The following GPR158 variants were observed in gnomAD, a reference collection of about 807,000 sequenced individuals.
GPR158 encodes the protein G protein-coupled receptor 158.
A neutral mutation model predicts 78.2 loss-of-function variants in GPR158; 30 were observed. The observed-to-expected ratio is 0.38, with a 90% CI of 0.29 to 0.52. GPR158 has a LOEUF of 0.52. Among genes scored for constraint, GPR158 ranks in the 20% least tolerant of loss-of-function variants. GPR158 has a pLI of 0.83. For missense variants in GPR158, 1,463 were observed against 1,523.5 expected (o/e 0.96, Z 0.66); for synonymous variants, 581 against 591.1 (o/e 0.98, Z 0.25).
intron 4 of GPR158, among the ~76,000 whole-genome samples, chr10:25,455,778 A>G (rs1217600912): frequency 1.3e-5 from 2 of 152,238 alleles, no homozygotes; most frequent in East Asian, 1.9e-4. Flanking sequence ...ATAAAGACCA[A>G]TGAAACAGCA....
At chr10:25,253,656 T>G (rs575854196) in intron 2 of GPR158, among the ~76,000 whole-genome samples, 104 of 152,314 alleles carry the variant, frequency 6.8e-4, no homozygotes, top group Non-Finnish European at 1.3e-3. Flanking sequence ...TGAATGATGC[T>G]CTATAAACAT....
chr10:25,439,911 C>T (rs1044129807), intron 4 of GPR158, among the ~76,000 whole-genome samples: 1 of 152,196 alleles, frequency 6.6e-6, no homozygotes, highest in African/African-American at 2.4e-5. Flanking sequence ...TACAGGAAGG[C>T]AACCACAGCG....
chr10:25,281,676 A>C (rs1167962641), intron 2 of GPR158, among the ~76,000 whole-genome samples: 1 of 152,134 alleles, frequency 6.6e-6, no homozygotes, highest in African/African-American at 2.4e-5. Context: ...GGAGGAAAAA[A>C]AGGCTGAAAA....
At chr10:25,530,938 G>A (rs16926047) in intron 5 of GPR158, among the ~76,000 whole-genome samples, 1 of 125,820 alleles carries the variant, frequency 7.9e-6, no homozygotes, top group Non-Finnish European at 1.7e-5. Context: ...CTTCTACTTT[G>A]CATCAAAACT....
At chr10:25,269,696 A>G (rs1163956640) in intron 2 of GPR158, among the ~76,000 whole-genome samples, 2 of 152,216 alleles carry the variant, frequency 1.3e-5, no homozygotes, top group East Asian at 3.8e-4. Flanking sequence ...CTCTCACTGC[A>G]ACCATGTAAT....
intron 2 of GPR158, among the ~76,000 whole-genome samples, chr10:25,335,710 G>A (rs1855188954): frequency 6.6e-6 from 1 of 151,904 alleles, no homozygotes; most frequent in African/African-American, 2.4e-5. Flanking sequence ...ATAGTTTATG[G>A]CAAATAAAGT....
chr10:25,246,754 C>T (rs1853695521), intron 2 of GPR158, among the ~76,000 whole-genome samples: 1 of 152,114 alleles, frequency 6.6e-6, no homozygotes, highest in South Asian at 2.1e-4. Flanking sequence ...CAAGATTATT[C>T]TTGTAAGTTA....
At chr10:25,210,383 C>G (rs1261912872) in intron 1 of GPR158, among the ~76,000 whole-genome samples, 1 of 152,068 alleles carries the variant, frequency 6.6e-6, no homozygotes, top group Non-Finnish European at 1.5e-5. Flanking sequence ...AATGAGAAAT[C>G]CAAAAGCAGG....
At chr10:25,491,387 A>G (rs980978715) in intron 5 of GPR158, among the ~76,000 whole-genome samples, 6 of 152,186 alleles carry the variant, frequency 3.9e-5, no homozygotes, top group Admixed American at 6.5e-5. Context: ...CATATTTTCT[A>G]CATGAATGGC....
At chr10:25,267,695 TG>T (rs1333368989) in intron 2 of GPR158, among the ~76,000 whole-genome samples, 1 of 152,190 alleles carries the variant, frequency 6.6e-6, no homozygotes, top group East Asian at 1.9e-4. Context: ...AGATTCTTTG[TG>T]GCAAAACCTA....
Position 25,598,600 on chromosome 10 carries a change from C to T in GPR158, c.2974C>T (p.Pro992Ser), listed in dbSNP as rs368812986. The change falls in exon 11 of 11, where the codon CCA (proline) becomes TCA (serine). Residue 992 changes from proline (P) to serine (S), a missense_variant. Transcript: ENST00000376351. ...CACCACTGCCAATTCTGACCTGAAC[C>T]CAGGCACCACCCAGATGAAGGACAA... ...NPTTANSDLN[P>S]GTTQMKDNFD... The T allele has an allele frequency of 1.2e-6, 2 of 1,613,858 alleles. No individual in the cohort carries two copies. Among genetic ancestry groups the T allele is most frequent in the African/African-American group, 1.3e-5 (1 of 74,850 alleles).
At chr10:25,251,366 C>T (rs1218890450) in intron 2 of GPR158, among the ~76,000 whole-genome samples, 5 of 150,428 alleles carry the variant, frequency 3.3e-5, no homozygotes, top group African/African-American at 1.2e-4. Flanking sequence ...ATGATGTTAG[C>T]TGGTGATTTT....
At chr10:25,247,789 T>C (rs2130716144) in intron 2 of GPR158, among the ~76,000 whole-genome samples, 1 of 150,986 alleles carries the variant, frequency 6.6e-6, no homozygotes, top group East Asian at 2.0e-4. Flanking sequence ...TGTGCATGTG[T>C]CTTTATAGCA....
chr10:25,434,429 G>A (rs186139052), intron 4 of GPR158, among the ~76,000 whole-genome samples: 1 of 152,216 alleles, frequency 6.6e-6, no homozygotes, highest in East Asian at 1.9e-4. Context: ...ATACCAAATT[G>A]CTTGCTATTT....
chr10:25,176,965 G>A lies in GPR158; in HGVS notation c.902+643G>A, dbSNP rs867793768. Among the ~76,000 whole-genome samples the A allele has an allele frequency of 6.6e-6, 1 of 152,014 alleles. No homozygotes were observed. The highest frequency in any genetic ancestry group is 2.1e-4 in the South Asian group (1 of 4,810). ...GCTTGGTCAGGGTGCTCCTTCTACC[G>A]GTCTCCCCTCTCCCCGCAATTGATC... On this transcript the variant is annotated intron_variant, in intron 1 of 10. Transcript: ENST00000376351. The surrounding 1 kb of genome is among the most constrained non-coding windows in gnomAD (Gnocchi z 6.3).
intron 4 of GPR158, among the ~76,000 whole-genome samples, chr10:25,433,575 GCGCGCGTGC>G: frequency 6.9e-6 from 1 of 145,816 alleles, no homozygotes; most frequent in Non-Finnish European, 1.5e-5. Flanking sequence ...GTGTGTGCGC[GCGCGCGTGC>G]GCGTGCGCAT....
At chr10:25,216,809 C>T (rs1482863538) in intron 1 of GPR158, among the ~76,000 whole-genome samples, 4 of 151,970 alleles carry the variant, frequency 2.6e-5, no homozygotes, top group Admixed American at 6.6e-5. Flanking sequence ...GGTATAAAGA[C>T]GTCTGTGAAA....
intron 5 of GPR158, among the ~76,000 whole-genome samples, chr10:25,531,306 G>GAGAAACATCAAGTAGGTAACA (rs1471192741): frequency 6.6e-6 from 1 of 152,144 alleles, no homozygotes. Context: ...GTCAGGAAAA[G>GAGAAACATCAAGTAGGTAACA]AGAAACATCA....
intron 7 of GPR158, among the ~76,000 whole-genome samples, chr10:25,579,761 A>AAGTT (rs1015365798): frequency 2.2e-4 from 34 of 152,216 alleles, no homozygotes; most frequent in African/African-American, 8.0e-4. Context: ...TTTCTTCCAG[A>AAGTT]AGTTAGGTGA....
Sources: allele counts gnomAD v4.1 joint callset (sites outside exome capture counted in the v4.1 genomes callset), GRCh38; gene constraint gnomAD v4.1.1; non-coding constraint Gnocchi (gnomAD v3.1); transcripts MANE v1.5; gene names NCBI Gene and HGNC (gene_info 2026-07-23, HGNC 2026-07-21).